Variants in CDK6 observed in about 807,000 individuals in gnomAD.
CDK6 encodes cyclin-dependent kinase 6.
In CDK6, 6 loss-of-function variants were observed where a neutral mutation model predicts 37.1. The ratio of observed to expected loss-of-function variants is 0.16; its 90% CI spans 0.09 to 0.32. CDK6 has a LOEUF of 0.32. CDK6 is among the 10% of genes least tolerant of loss of function. The probability of loss-of-function intolerance (pLI) is 1.00; values close to 1 mark genes in which losing one functional copy is unlikely to be tolerated. For missense variants in CDK6, 224 were observed against 418.9 expected (o/e 0.53, Z 4.06); for synonymous variants, 160 against 161.3 (o/e 0.99, Z 0.06).
At chr7:92,672,434 T>C (rs898443876) in intron 4 of CDK6, among the ~76,000 whole-genome samples, 7 of 151,400 alleles carry the variant, frequency 4.6e-5, no homozygotes, top group African/African-American at 1.7e-4. Flanking sequence ...CAATTGTTCA[T>C]ATGATGTGTG....
chr7:92,805,253 C>T (rs1800695049), intron 2 of CDK6, among the ~76,000 whole-genome samples: 1 of 152,176 alleles, frequency 6.6e-6, no homozygotes, highest in Non-Finnish European at 1.5e-5. Flanking sequence ...CTTCCCTTGG[C>T]TCAAGTCACT....
intron 5 of CDK6, among the ~76,000 whole-genome samples, chr7:92,639,650 AT>A (rs1392668897): frequency 2.6e-5 from 4 of 151,976 alleles, no homozygotes; most frequent in Non-Finnish European, 5.9e-5. Flanking sequence ...TTTTCTGTAA[AT>A]TTTTTTGTTG....
intron 5 of CDK6, among the ~76,000 whole-genome samples, chr7:92,659,417 A>G (rs947938687): frequency 3.3e-5 from 5 of 152,214 alleles, no homozygotes; most frequent in Non-Finnish European, 5.9e-5. Flanking sequence ...TGGTAAAAAA[A>G]ATATATTATT....
intron 4 of CDK6, among the ~76,000 whole-genome samples, chr7:92,703,961 T>C (rs1486367205): frequency 6.6e-6 from 1 of 152,192 alleles, no homozygotes; most frequent in Non-Finnish European, 1.5e-5. Flanking sequence ...CTACTTACTC[T>C]GCCTCAGCTG....
At chr7:92,681,455 G>A (rs770660306) in intron 4 of CDK6, among the ~76,000 whole-genome samples, 1 of 152,106 alleles carries the variant, frequency 6.6e-6, no homozygotes, top group Non-Finnish European at 1.5e-5. Flanking sequence ...TTACTGAGTC[G>A]TACACCTCTC....
chr7:92,833,940 C>G lies in CDK6; in HGVS notation c.-367-250G>C. The G allele has an allele frequency of 2.5e-6, 1 of 398,756 alleles. No homozygotes were observed. Among genetic ancestry groups the G allele is most frequent in the East Asian group, 3.6e-5 (1 of 28,052 alleles). 24.7% of individuals were successfully genotyped at this position (398,756 alleles called of 1,614,324 possible). A position where few individuals can be genotyped will look rare whatever the true frequency, so the allele number is the denominator to read the frequency against. On this transcript the variant is annotated intron_variant, in intron 1 of 7. Coordinates refer to ENST00000424848, the MANE Select transcript of CDK6 (RefSeq NM_001145306.2). The surrounding 1 kb of genome is among the most constrained non-coding windows in gnomAD (Gnocchi z 6.1). ...GTTGCAGGGGCCCCTCGGGGATGAG[C>G]GAGCGGCGCGGGACGCAGTGGAACG...
chr7:92,794,814 G>A (rs1800365999), intron 2 of CDK6, among the ~76,000 whole-genome samples: 1 of 152,086 alleles, frequency 6.6e-6, no homozygotes. Flanking sequence ...TTTGGAAGAA[G>A]CCTGAACCAA....
In CDK6 at chr7:92,607,391, T is replaced by G; in HGVS notation, c.*7749A>C. The G allele has an allele frequency of 4.3e-6, 1 of 233,234 alleles. No homozygotes were observed. Among genetic ancestry groups the G allele is most frequent in the African/African-American group, 2.2e-5 (1 of 45,470 alleles). 14.4% of individuals were successfully genotyped at this position (233,234 alleles called of 1,614,324 possible). ...TTAGTTTTTATTTTTGCTATATTTT[T>G]GCACTCTACTATATGCATATTTAAT... On this transcript the variant is annotated 3_prime_UTR_variant, in exon 8 of 8. Coordinates refer to ENST00000424848, the MANE Select transcript of CDK6 (RefSeq NM_001145306.2).
chr7:92,787,140 C>A (rs962209908), intron 2 of CDK6, among the ~76,000 whole-genome samples: 2 of 149,170 alleles, frequency 1.3e-5, no homozygotes, highest in African/African-American at 5.0e-5. Flanking sequence ...AGAGGTTGTG[C>A]CACCACACTC....
chr7:92,696,396 ATGT>A (rs1490032922), intron 4 of CDK6, among the ~76,000 whole-genome samples: 1 of 152,182 alleles, frequency 6.6e-6, no homozygotes, highest in Non-Finnish European at 1.5e-5. Context: ...TTATTATTAT[ATGT>A]TGTTGTTTCA....
At chr7:92,681,591 C>G (rs1015345766) in intron 4 of CDK6, among the ~76,000 whole-genome samples, 3 of 152,126 alleles carry the variant, frequency 2.0e-5, no homozygotes, top group Admixed American at 1.3e-4. Flanking sequence ...CATGTTAGTC[C>G]TGGACAGTGT....
At chr7:92,793,200 A>C (rs1360362727) in intron 2 of CDK6, among the ~76,000 whole-genome samples, 4 of 152,164 alleles carry the variant, frequency 2.6e-5, no homozygotes, top group Non-Finnish European at 5.9e-5. Flanking sequence ...GCTTCAATGC[A>C]ATCCACATCA....
chr7:92,754,858 C>T (rs575957521), intron 3 of CDK6, among the ~76,000 whole-genome samples: 15 of 152,224 alleles, frequency 9.9e-5, no homozygotes, highest in South Asian at 4.1e-4. Context: ...AAATGGAAGC[C>T]GTCTGGAGCC....
chr7:92,683,912 C>A (rs1013388480), intron 4 of CDK6, among the ~76,000 whole-genome samples: 1 of 152,164 alleles, frequency 6.6e-6, no homozygotes, highest in African/African-American at 2.4e-5. Context: ...TATTTTCTGA[C>A]AATAAGAACT....
chr7:92,637,086 AAG>A (rs1232284153), intron 5 of CDK6, among the ~76,000 whole-genome samples: 2 of 152,220 alleles, frequency 1.3e-5, no homozygotes, highest in South Asian at 4.1e-4. Flanking sequence ...CGGTTTTAGA[AAG>A]AGATGAATAT....
At chr7:92,793,829 T>C (rs1332616119) in intron 2 of CDK6, among the ~76,000 whole-genome samples, 1 of 151,964 alleles carries the variant, frequency 6.6e-6, no homozygotes, top group East Asian at 1.9e-4. Flanking sequence ...AGAAAGTAGA[T>C]TAGTGGCTGC....
intron 6 of CDK6, among the ~76,000 whole-genome samples, chr7:92,622,336 T>G (rs1327620330): frequency 6.6e-6 from 1 of 152,182 alleles, no homozygotes; most frequent in Non-Finnish European, 1.5e-5. Context: ...AAGGATCTTA[T>G]AGAGAATTTA....
At chr7:92,711,565 T>TTTC (rs1798095087) in intron 4 of CDK6, among the ~76,000 whole-genome samples, 1 of 136,072 alleles carries the variant, frequency 7.3e-6, no homozygotes, top group African/African-American at 2.8e-5. Context: ...TTTTTTTTTT[T>TTTC]TTTTTTTTTT....
intron 2 of CDK6, among the ~76,000 whole-genome samples, chr7:92,779,082 C>T (rs1244209430): frequency 6.6e-6 from 1 of 152,104 alleles, no homozygotes; most frequent in South Asian, 2.1e-4. Context: ...ACCTAACAAC[C>T]CTGGCAGTAT....
Sources: allele counts gnomAD v4.1 joint callset (sites outside exome capture counted in the v4.1 genomes callset), GRCh38; gene constraint gnomAD v4.1.1; non-coding constraint Gnocchi (gnomAD v3.1); transcripts MANE v1.5; gene names NCBI Gene and HGNC (gene_info 2026-07-23, HGNC 2026-07-21).